SCFD2: variants seen among roughly 807,000 people sequenced by gnomAD.
The protein encoded by SCFD2 is sec1 family domain-containing protein 2.
A neutral mutation model predicts 58.9 loss-of-function variants in SCFD2; 54 were observed. That is an observed-to-expected ratio of 0.92 (90% CI 0.74 to 1.15). The LOEUF (loss-of-function observed/expected upper bound fraction) is 1.15, where lower values mean the gene tolerates loss of function less well. Ranked by LOEUF, SCFD2 falls within the 50% of genes most tolerant of loss-of-function variation. SCFD2 has a pLI of 0.00. For synonymous variants in SCFD2, 321 were observed against 335.9 expected, an observed-to-expected ratio of 0.96 and a Z score of 0.49; for missense variants, 805 against 836.6, an observed-to-expected ratio of 0.96 and a Z score of 0.47.
rs112985151 is a variant in SCFD2, at chr4:52,991,689, G to A, written c.1562-70819C>T. 8.3e-3 allele frequency among the ~76,000 whole-genome samples: 1,271 copies of A among 152,258 alleles called. 22 individuals are homozygous for A. The highest frequency in any genetic ancestry group is 0.029 in the African/African-American group (1,216 of 41,554). ...TTGCTCCACCCAACTCCCAAATGAG[G>A]GAAGTGGTTTGAATTCTCTCTGGCT... On this transcript the variant is annotated intron_variant, in intron 5 of 8. Transcript: ENST00000401642.
chr4:53,001,641 A>C (rs1186065322), intron 5 of SCFD2, among the ~76,000 whole-genome samples: 1 of 152,272 alleles, frequency 6.6e-6, no homozygotes, highest in Admixed American at 6.5e-5. Flanking sequence ...ATAGGTGTAT[A>C]GGACAATACA....
At chr4:53,234,539 T>C (rs1043541304) in intron 4 of SCFD2, among the ~76,000 whole-genome samples, 11 of 152,346 alleles carry the variant, frequency 7.2e-5, no homozygotes, top group Non-Finnish European at 1.3e-4. Flanking sequence ...GGAGCCAACA[T>C]GTTAGGCAGC....
intron 4 of SCFD2, among the ~76,000 whole-genome samples, chr4:53,251,712 T>G (rs993173487): frequency 2.6e-5 from 4 of 151,918 alleles, no homozygotes; most frequent in Non-Finnish European, 4.4e-5. Flanking sequence ...CTCAATAAAT[T>G]AGGTATTGAT....
intron 5 of SCFD2, among the ~76,000 whole-genome samples, chr4:53,143,795 TACACACACACAC>T (rs113492027): frequency 1.4e-5 from 2 of 146,558 alleles, no homozygotes; most frequent in Non-Finnish European, 3.0e-5. Flanking sequence ...CACCTAAACA[TACACACACACAC>T]ACACACACAC....
intron 5 of SCFD2, chr4:52,956,293 G>A (rs1183224658): frequency 4.4e-6 from 2 of 455,776 alleles, no homozygotes; most frequent in African/African-American, 4.0e-5. Flanking sequence ...GGTGGCTGAG[G>A]AACCAGAGGA....
At chr4:52,973,425 T>C (rs151311945) in intron 5 of SCFD2, among the ~76,000 whole-genome samples, 1 of 152,148 alleles carries the variant, frequency 6.6e-6, no homozygotes, top group Non-Finnish European at 1.5e-5. Context: ...CTAGAAGACA[T>C]GGATAAATTC....
At chr4:53,358,037 A>G (rs1471286451) in intron 1 of SCFD2, among the ~76,000 whole-genome samples, 2 of 152,222 alleles carry the variant, frequency 1.3e-5, no homozygotes, top group Admixed American at 6.5e-5. Flanking sequence ...ATTATTGTGA[A>G]AATTAAAGGA....
intron 6 of SCFD2, among the ~76,000 whole-genome samples, chr4:52,915,541 A>T (rs1719581465): frequency 6.6e-6 from 1 of 152,148 alleles, no homozygotes; most frequent in East Asian, 1.9e-4. Flanking sequence ...TAAAGGAAAC[A>T]ATTTATTTGT....
intron 2 of SCFD2, among the ~76,000 whole-genome samples, chr4:53,316,939 C>T (rs1212727253): frequency 6.6e-6 from 1 of 151,836 alleles, no homozygotes; most frequent in African/African-American, 2.4e-5. Context: ...GAAACCCCGC[C>T]CCTAATAAAA....
chr4:53,254,811 T>TTTTA (rs1730537483), intron 4 of SCFD2, among the ~76,000 whole-genome samples: 1 of 12,858 alleles, frequency 7.8e-5, no homozygotes, highest in African/African-American at 4.6e-4. Flanking sequence ...TATTTTTTTA[T>TTTTA]TTTATTTTAT....
chr4:52,888,485 T>C (rs1718804364), intron 7 of SCFD2, among the ~76,000 whole-genome samples: 1 of 152,192 alleles, frequency 6.6e-6, no homozygotes, highest in African/African-American at 2.4e-5. Context: ...CCAGACACCA[T>C]AGCAATGCTG....
At chr4:53,022,892 C>T (rs1401487622) in intron 5 of SCFD2, among the ~76,000 whole-genome samples, 1 of 152,104 alleles carries the variant, frequency 6.6e-6, no homozygotes, top group Non-Finnish European at 1.5e-5. Context: ...GTGCCTGGCA[C>T]ATAGTAAGAG....
intron 4 of SCFD2, among the ~76,000 whole-genome samples, chr4:53,239,094 T>G (rs1179738152): frequency 8.6e-5 from 13 of 150,474 alleles, no homozygotes; most frequent in African/African-American, 3.2e-4. Context: ...TGAACGAGAC[T>G]CCATCTGCAA....
At chr4:53,120,200 A>G (rs1335946258) in intron 5 of SCFD2, among the ~76,000 whole-genome samples, 1 of 152,218 alleles carries the variant, frequency 6.6e-6, no homozygotes, top group African/African-American at 2.4e-5. Context: ...AAGCTGGGGG[A>G]AAAGAGACAA....
At chr4:53,007,305 G>GAGAGAGAGAGAGAGA (rs1721990724) in intron 5 of SCFD2, among the ~76,000 whole-genome samples, 1 of 66,072 alleles carries the variant, frequency 1.5e-5, no homozygotes, top group Non-Finnish European at 2.7e-5. Flanking sequence ...AGAGGGAGAG[G>GAGAGAGAGAGAGAGA]GAGAGAGAGA....
intron 4 of SCFD2, among the ~76,000 whole-genome samples, chr4:53,174,652 T>A (rs1727274926): frequency 6.6e-6 from 1 of 152,182 alleles, no homozygotes; most frequent in Admixed American, 6.5e-5. Flanking sequence ...ATGATTAAAT[T>A]GGGCACAGGG....
intron 4 of SCFD2, among the ~76,000 whole-genome samples, chr4:53,174,667 AT>A (rs1405194508): frequency 6.6e-6 from 1 of 152,190 alleles, no homozygotes; most frequent in Non-Finnish European, 1.5e-5. Context: ...ACAGGGAAGA[AT>A]GGAAAGAGAC....
At chr4:53,024,112 T>A (rs1382883203) in intron 5 of SCFD2, among the ~76,000 whole-genome samples, 2 of 152,178 alleles carry the variant, frequency 1.3e-5, no homozygotes, top group Non-Finnish European at 2.9e-5. Flanking sequence ...TCAAGAAGTC[T>A]GCTTTCATTA....
intron 4 of SCFD2, among the ~76,000 whole-genome samples, chr4:53,236,653 T>C: frequency 6.6e-6 from 1 of 150,574 alleles, no homozygotes; most frequent in Non-Finnish European, 1.5e-5. Flanking sequence ...GGCATGTTTT[T>C]TTTTAATCAA....
Sources: allele counts gnomAD v4.1 joint callset (sites outside exome capture counted in the v4.1 genomes callset), GRCh38; gene constraint gnomAD v4.1.1; transcripts MANE v1.5; gene names NCBI Gene and HGNC (gene_info 2026-07-23, HGNC 2026-07-21).